The following PRDM16 variants were observed in gnomAD, a reference collection of about 807,000 sequenced individuals.
The protein encoded by PRDM16 is histone-lysine N-methyltransferase PRDM16.
In PRDM16, 23 loss-of-function variants were observed where a neutral mutation model predicts 110.6. The observed-to-expected ratio is 0.21, with a 90% CI of 0.15 to 0.29. The LOEUF (loss-of-function observed/expected upper bound fraction) is 0.29. Ranked by LOEUF, PRDM16 falls within the 10% of genes least tolerant of loss-of-function variation. PRDM16 has a pLI of 1.00. For synonymous variants in PRDM16, 799 were observed against 781.8 expected (o/e 1.02, Z -0.37); for missense variants, 1,615 against 1,794.3 (o/e 0.90, Z 1.81).
chr1:3,263,390 C>G (rs1315213078), intron 3 of PRDM16, among the ~76,000 whole-genome samples: 1 of 152,236 alleles, frequency 6.6e-6, no homozygotes. Context: ...TGGGGCCCCC[C>G]GCAGGCCTGC....
chr1:3,161,151 G>C (rs1458716293), intron 1 of PRDM16, among the ~76,000 whole-genome samples: 2 of 152,194 alleles, frequency 1.3e-5, no homozygotes, highest in Non-Finnish European at 2.9e-5. Flanking sequence ...TGACAGGTGA[G>C]GGAGGCGAGC....
intron 3 of PRDM16, among the ~76,000 whole-genome samples, chr1:3,347,596 A>G (rs187705946): frequency 6.6e-4 from 101 of 152,344 alleles, no homozygotes; most frequent in Middle Eastern, 6.8e-3. Flanking sequence ...CTGCTGGGGA[A>G]GGTCAGTCCT....
rs145135449 is a variant in PRDM16, at chr1:3,145,254, T to G, written c.38-40871T>G. On this transcript the variant is annotated intron_variant, in intron 1 of 16. Coordinates refer to ENST00000270722, the MANE Select transcript of PRDM16 (RefSeq NM_022114.4). ...TCCACGTGCAGATGGAGAGGGTGCATGCGGCACGGTGTCAGTTCCTCAAAG... is the reference window on the plus strand; with the variant it reads ...TCCACGTGCAGATGGAGAGGGTGCAGGCGGCACGGTGTCAGTTCCTCAAAG... Among the ~76,000 whole-genome samples, 1,367 of 152,136 alleles carry G rather than the reference T, an allele frequency of 9.0e-3. 21 individuals carry two copies. The highest frequency in any genetic ancestry group is 0.031 in the African/African-American group (1,306 of 41,506).
At chr1:3,384,235 G>A in intron 3 of PRDM16, among the ~76,000 whole-genome samples, 1 of 152,168 alleles carries the variant, frequency 6.6e-6, no homozygotes, top group East Asian at 1.9e-4. Flanking sequence ...TTAGGGACCT[G>A]AGTGTAGCGT....
intron 16 of PRDM16, among the ~76,000 whole-genome samples, chr1:3,433,443 A>G (rs1207319079): frequency 9.9e-5 from 15 of 150,818 alleles, no homozygotes; most frequent in Non-Finnish European, 1.5e-4. Context: ...CTGCCCACAC[A>G]CTCACCTGCC....
intron 2 of PRDM16, among the ~76,000 whole-genome samples, chr1:3,193,009 C>T (rs1377952919): frequency 2.6e-5 from 4 of 152,090 alleles, no homozygotes; most frequent in Admixed American, 2.0e-4. Context: ...GGCCAGACAG[C>T]GAGTACCCAG....
chr1:3,220,110 A>C (rs563224880), intron 2 of PRDM16, among the ~76,000 whole-genome samples: 1 of 152,298 alleles, frequency 6.6e-6, no homozygotes, highest in Admixed American at 6.5e-5. Context: ...CATAGCCCTC[A>C]TTTTGAAGAG....
chr1:3,070,474 G>A (rs1340781965), intron 1 of PRDM16, among the ~76,000 whole-genome samples: 2 of 149,468 alleles, frequency 1.3e-5, no homozygotes, highest in Non-Finnish European at 3.0e-5. Flanking sequence ...GCAGCGAAGC[G>A]GCCAGCGCCG....
chr1:3,202,098 G>A (rs1054306590), intron 2 of PRDM16, among the ~76,000 whole-genome samples: 5 of 146,200 alleles, frequency 3.4e-5, no homozygotes, highest in South Asian at 2.5e-4. Flanking sequence ...AGGAAGCAGC[G>A]CCAAAGTCCT....
chr1:3,187,563 G>T (rs953233111), intron 2 of PRDM16, among the ~76,000 whole-genome samples: 2 of 152,176 alleles, frequency 1.3e-5, no homozygotes, highest in African/African-American at 2.4e-5. Context: ...GGTTCCTGTG[G>T]CCTCCAGCAG....
rs181610962 is a variant in PRDM16 at position 3,081,101 on chromosome 1, G to A, written c.37+11805G>A. Among the ~76,000 whole-genome samples, 52 of 152,336 alleles carry A rather than the reference G, an allele frequency of 3.4e-4. No homozygotes were observed. The highest frequency in any genetic ancestry group is 2.4e-3 in the Admixed American group (37 of 15,300). ...GGTTTCATGGCTGGGAATCTGAACC[G>A]CAGGGCAGAGGCCCCGGAGTCTTAA... On this transcript the variant is annotated intron_variant, in intron 1 of 16. Coordinates refer to ENST00000270722, the MANE Select transcript of PRDM16 (RefSeq NM_022114.4). The surrounding 1 kb of genome is among the most constrained non-coding windows in gnomAD (Gnocchi z 4.6).
intron 1 of PRDM16, among the ~76,000 whole-genome samples, chr1:3,086,001 C>A (rs561137838): frequency 1.8e-3 from 267 of 152,344 alleles, no homozygotes; most frequent in Middle Eastern, 0.01. Context: ...CTGGTCTGGG[C>A]CATAGGCTGG....
intron 2 of PRDM16, among the ~76,000 whole-genome samples, chr1:3,229,977 C>T (rs1300346663): frequency 3.3e-5 from 5 of 152,220 alleles, no homozygotes. Flanking sequence ...GGACCAAAAG[C>T]AGCTGCCCTG....
intron 2 of PRDM16, among the ~76,000 whole-genome samples, chr1:3,211,485 G>T (rs1399513547): frequency 6.6e-6 from 1 of 152,214 alleles, no homozygotes; most frequent in Non-Finnish European, 1.5e-5. Flanking sequence ...AAGACTCAAG[G>T]CAGAGTCTCT....
At chr1:3,422,267 GTGGACAGACAGA>G (rs1372733345) in intron 12 of PRDM16, among the ~76,000 whole-genome samples, 4 of 150,332 alleles carry the variant, frequency 2.7e-5, no homozygotes, top group Non-Finnish European at 4.4e-5. Flanking sequence ...AGACAGGCAG[GTGGACAGACAGA>G]TGGACAGACA....
Position 3,201,805 on chromosome 1 carries a change from T to C in PRDM16, c.387+15331T>C, listed in dbSNP as rs565432168. ...CTCCCACCTGGCCTCTGTTTCTACC[T>C]CGGGTTGGTGTCTCCCGCCCACTTC... is the stretch of plus-strand genomic sequence containing the variant. On this transcript the variant is annotated intron_variant, in intron 2 of 16. Coordinates refer to ENST00000270722, the MANE Select transcript of PRDM16 (RefSeq NM_022114.4). This position sits in a 1 kb window ranked among gnomAD's most constrained non-coding sequence, Gnocchi z 4.1. Among the ~76,000 whole-genome samples, 17 of 152,304 alleles carry C rather than the reference T, an allele frequency of 1.1e-4. No individual in the cohort carries two copies. The highest frequency in any genetic ancestry group is 1.1e-3 in the Admixed American group (17 of 15,306).
chr1:3,311,001 G>T (rs372948015), intron 3 of PRDM16, among the ~76,000 whole-genome samples: 1 of 152,100 alleles, frequency 6.6e-6, no homozygotes, highest in Non-Finnish European at 1.5e-5. Context: ...GTGCGTATGT[G>T]TGTGTGTGTG....
chr1:3,085,527 C>G lies in PRDM16; in HGVS notation c.37+16231C>G, dbSNP rs554672409. ...TGGCTCAGGCCAACTTGGACTGAAT[C>G]CTGGCACCCACTGTTCAAAAGCTGA... On this transcript the variant is annotated intron_variant, in intron 1 of 16. Coordinates refer to ENST00000270722, the MANE Select transcript of PRDM16 (RefSeq NM_022114.4). 1.5e-4 allele frequency among the ~76,000 whole-genome samples: 23 copies of G among 152,346 alleles called. No homozygotes were observed. The East Asian group carries it at 4.1e-3, about 27-fold the overall frequency.
intron 2 of PRDM16, among the ~76,000 whole-genome samples, chr1:3,221,155 G>A (rs932379307): frequency 1.3e-5 from 2 of 152,170 alleles, no homozygotes; most frequent in Admixed American, 1.3e-4. Context: ...CTCACCGTGT[G>A]CAACTCAGCC....
Sources: allele counts gnomAD v4.1 joint callset (sites outside exome capture counted in the v4.1 genomes callset), GRCh38; gene constraint gnomAD v4.1.1; non-coding constraint Gnocchi (gnomAD v3.1); transcripts MANE v1.5; gene names NCBI Gene and HGNC (gene_info 2026-07-23, HGNC 2026-07-21).